The following SPDYE14 variants were observed in gnomAD, a reference collection of about 807,000 sequenced individuals.
SPDYE14 encodes the protein speedy/RINGO cell cycle regulator family member E14.
the SPDYE14 span, among the ~76,000 whole-genome samples, chr7:75,279,466 T>C: frequency 5.0e-5 from 6 of 120,590 alleles, no homozygotes; most frequent in Admixed American, 5.4e-4. Context: ...TTTTTTTTTT[T>C]TGAGACGGAG....
chr7:75,245,436 A>G, the SPDYE14 span, among the ~76,000 whole-genome samples: 1 of 148,192 alleles, frequency 6.7e-6, no homozygotes, highest in East Asian at 2.0e-4. Context: ...AAGAAAAAAA[A>G]AAAAAAAAAA....
chr7:75,265,358 A>C, the SPDYE14 span, among the ~76,000 whole-genome samples: 1 of 58,026 alleles, frequency 1.7e-5, no homozygotes, highest in Non-Finnish European at 3.2e-5. Context: ...ATCTGCCCAC[A>C]TCGGCCTCCC....
At chr7:75,275,616 T>C in the SPDYE14 span, among the ~76,000 whole-genome samples, 1 of 44,852 alleles carries the variant, frequency 2.2e-5, no homozygotes, top group African/African-American at 5.1e-5. Context: ...GTCCTCTGCC[T>C]AGGAAAACCA....
the SPDYE14 span, among the ~76,000 whole-genome samples, chr7:75,271,705 C>T: frequency 3.6e-5 from 2 of 55,396 alleles, 1 homozygote; most frequent in Non-Finnish European, 9.3e-5. Context: ...GTTGTGGGCA[C>T]CTGTAGCTAC....
the SPDYE14 span, chr7:75,237,671 G>C: frequency 4.1e-5 from 4 of 97,498 alleles, no homozygotes; most frequent in African/African-American, 1.2e-4. Context: ...CGCGGCGCCC[G>C]GCGCGGGGAG....
chr7:75,237,588 G>T, the SPDYE14 span: 6 of 44,804 alleles, frequency 1.3e-4, no homozygotes, highest in Admixed American at 3.3e-4. Flanking sequence ...CAAGTTGCAA[G>T]GGGGAGCCGC....
the SPDYE14 span, among the ~76,000 whole-genome samples, chr7:75,267,728 T>TTTTATTTATTTATTTA: frequency 0.011 from 1,261 of 111,858 alleles, 37 homozygotes; most frequent in African/African-American, 0.021. Context: ...GTCTGCATGA[T>TTTTATTTATTTATTTA]TTTATTTATT....
At chr7:75,247,442 GAGAAAGAA>G in the SPDYE14 span, among the ~76,000 whole-genome samples, 59 of 69,108 alleles carry the variant, frequency 8.5e-4, 2 homozygotes, top group Admixed American at 1.9e-3. Flanking sequence ...GAGAGAGAAA[GAGAAAGAA>G]AGAAAGAAAG....
At chr7:75,265,299 G>T in the SPDYE14 span, among the ~76,000 whole-genome samples, 1 of 99,050 alleles carries the variant, frequency 1.0e-5, no homozygotes, top group Admixed American at 1.2e-4. Context: ...AGTAGAGGCA[G>T]GGTTTCATGA....
chr7:75,271,213 TA>T, the SPDYE14 span, among the ~76,000 whole-genome samples: 24 of 7,998 alleles, frequency 3.0e-3, 1 homozygote, highest in African/African-American at 5.0e-3. Context: ...ACTCCACCTC[TA>T]AAAAAAAAAA....
At chr7:75,278,942 CAAA>C in the SPDYE14 span, among the ~76,000 whole-genome samples, 2 of 41,470 alleles carry the variant, frequency 4.8e-5, no homozygotes, top group African/African-American at 1.4e-4. Flanking sequence ...ACTCTGTTTC[CAAA>C]AAAAAAAAAA....
the SPDYE14 span, among the ~76,000 whole-genome samples, chr7:75,246,647 A>C: frequency 3.1e-5 from 1 of 32,542 alleles, no homozygotes; most frequent in Non-Finnish European, 5.9e-5. Flanking sequence ...GTCTCAAAAA[A>C]AAAAAAAAAA....
At chr7:75,240,257 T>G in the SPDYE14 span, among the ~76,000 whole-genome samples, 4 of 38,976 alleles carry the variant, frequency 1.0e-4, no homozygotes, top group African/African-American at 1.4e-4. Flanking sequence ...ATGGTACAGG[T>G]GAAGGGAAGT....
the SPDYE14 span, among the ~76,000 whole-genome samples, chr7:75,244,158 C>T: frequency 1.0e-4 from 5 of 49,502 alleles, 2 homozygotes; most frequent in Non-Finnish European, 2.4e-4. Flanking sequence ...AGTGCAGTGG[C>T]GCCATCTCGG....
the SPDYE14 span, among the ~76,000 whole-genome samples, chr7:75,241,695 A>ATTT: frequency 0.023 from 363 of 15,490 alleles, 38 homozygotes; most frequent in East Asian, 0.077. Context: ...ATATATATAT[A>ATTT]TTTTTTTTTT....
At chr7:75,275,118 C>G in the SPDYE14 span, among the ~76,000 whole-genome samples, 1 of 63,060 alleles carries the variant, frequency 1.6e-5, no homozygotes, top group Non-Finnish European at 4.2e-5. Flanking sequence ...GGGTCAGCCC[C>G]CCTGCCCGGC....
the SPDYE14 span, among the ~76,000 whole-genome samples, chr7:75,278,942 CAA>C: frequency 7.2e-5 from 3 of 41,470 alleles, no homozygotes; most frequent in Non-Finnish European, 1.5e-4. Context: ...ACTCTGTTTC[CAA>C]AAAAAAAAAA....
At chr7:75,276,578 C>CAA in the SPDYE14 span, among the ~76,000 whole-genome samples, 11 of 10,256 alleles carry the variant, frequency 1.1e-3, no homozygotes, top group African/African-American at 2.2e-3. Flanking sequence ...GACTCTGTCT[C>CAA]AAAAAAAAAA....
At chr7:75,246,563 A>AC in the SPDYE14 span, among the ~76,000 whole-genome samples, 280 of 3,216 alleles carry the variant, frequency 0.087, 40 homozygotes, top group Non-Finnish European at 0.13. Flanking sequence ...AATTGCTGAA[A>AC]CCTGGGAGGC....
Sources: gnomAD v4.1 joint callset for allele counts (sites outside exome capture counted in the v4.1 genomes callset) on GRCh38, gnomAD v4.1.1 for gene constraint, MANE v1.5 for transcripts, NCBI Gene and HGNC (gene_info 2026-07-23, HGNC 2026-07-21) for gene names.